Variants in PTPRD observed in about 807,000 individuals in gnomAD.
PTPRD encodes the protein receptor-type tyrosine-protein phosphatase delta.
Under a neutral mutation model 214.5 loss-of-function variants are expected in PTPRD, and 34 were observed. That is an observed-to-expected ratio of 0.16 (90% confidence interval 0.12 to 0.21). The LOEUF is 0.21. Ranked by LOEUF, PTPRD falls within the 10% of genes least tolerant of loss-of-function variation. PTPRD has a pLI of 1.00. For synonymous variants in PTPRD, 1,128 were observed against 845.7 expected, an observed-to-expected ratio of 1.33 and a Z score of -5.79; for missense variants, 2,545 against 2,398.7, an observed-to-expected ratio of 1.06 and a Z score of -1.27.
chr9:9,935,791 C>T (rs2089094088), intron 5 of PTPRD, among the ~76,000 whole-genome samples: 1 of 149,102 alleles, frequency 6.7e-6, no homozygotes, highest in Admixed American at 6.6e-5. Context: ...GCCAAAAGAA[C>T]AAAGCTGGAG....
chr9:9,606,274 G>C (rs2094148487), intron 7 of PTPRD, among the ~76,000 whole-genome samples: 1 of 151,986 alleles, frequency 6.6e-6, no homozygotes, highest in South Asian at 2.1e-4. Flanking sequence ...ACAGACCCTG[G>C]AGCTATTTCC....
At position 10,012,943 on chromosome 9, in the gene PTPRD, A is replaced by G. The variant is rs182027077; in HGVS notation, c.-472+20775T>C. Among the ~76,000 whole-genome samples the G allele has an allele frequency of 2.8e-3, 426 of 152,024 alleles. 2 individuals carry two copies. Among genetic ancestry groups the G allele is most frequent in the African/African-American group, 9.4e-3 (391 of 41,528 alleles). On this transcript the variant is annotated intron_variant, in intron 4 of 45. Transcript: ENST00000381196. ...TTATTACCTGGAAATGATCTTTGTAATTTTCAAGATCATGAATAGATAAAT... is the reference window on the plus strand; with the variant it reads ...TTATTACCTGGAAATGATCTTTGTAGTTTTCAAGATCATGAATAGATAAAT...
At chr9:9,398,230 T>G (rs1285459259) in intron 8 of PTPRD, among the ~76,000 whole-genome samples, 2 of 152,022 alleles carry the variant, frequency 1.3e-5, no homozygotes, top group African/African-American at 4.8e-5. Flanking sequence ...CAATAGAGGT[T>G]GTCTTGACAC....
chr9:9,917,248 A>G (rs1055306582), intron 5 of PTPRD, among the ~76,000 whole-genome samples: 2 of 149,884 alleles, frequency 1.3e-5, no homozygotes, highest in African/African-American at 4.9e-5. Context: ...AAAATCCACA[A>G]AACAAAAAGT....
intron 8 of PTPRD, among the ~76,000 whole-genome samples, chr9:9,565,206 C>T (rs1480024390): frequency 6.6e-6 from 1 of 151,428 alleles, no homozygotes; most frequent in Non-Finnish European, 1.5e-5. Flanking sequence ...ATTAATTTAC[C>T]TCACTTTTTG....
rs2098390660 is a variant in PTPRD at position 8,713,516 on chromosome 9, A to G, written c.64+20264T>C. 5 of 1,201,884 alleles carry G rather than the reference A, an allele frequency of 4.2e-6. No individual in the cohort carries two copies. In the South Asian group the frequency reaches 4.9e-5, roughly 12 times the overall value. 74.5% of individuals were successfully genotyped at this position (1,201,884 alleles called of 1,614,324 possible). A position where few individuals can be genotyped will look rare whatever the true frequency, so the allele number is the denominator to read the frequency against. ...ACTGTCTACTGTGGTCAGGTGTTTGAGAAGTCCCCGCTGCGGGTGAAGAAC... is the reference window on the plus strand; with the variant it reads ...ACTGTCTACTGTGGTCAGGTGTTTGGGAAGTCCCCGCTGCGGGTGAAGAAC... On this transcript the variant is annotated intron_variant, in intron 12 of 45. Coordinates refer to ENST00000381196, the MANE Select transcript of PTPRD (RefSeq NM_002839.4).
intron 11 of PTPRD, among the ~76,000 whole-genome samples, chr9:8,741,566 CTTTTTTTTTTTT>C (rs66547770): frequency 3.5e-4 from 25 of 70,642 alleles, no homozygotes; most frequent in Non-Finnish European, 5.5e-4. Flanking sequence ...TCAGGCATTT[CTTTTTTTTTTTT>C]TTTTTTTTTT....
intron 3 of PTPRD, among the ~76,000 whole-genome samples, chr9:10,038,927 C>T (rs1255605639): frequency 1.3e-5 from 2 of 152,030 alleles, no homozygotes; most frequent in African/African-American, 4.8e-5. Context: ...GCCTCTAACG[C>T]TGACGATAAA....
At chr9:9,934,860 T>G (rs1345295767) in intron 5 of PTPRD, among the ~76,000 whole-genome samples, 2 of 151,948 alleles carry the variant, frequency 1.3e-5, no homozygotes, top group African/African-American at 4.8e-5. Flanking sequence ...CAGCAGCACA[T>G]CAAAAAGCTT....
At chr9:9,942,230 C>T (rs2091644836) in intron 4 of PTPRD, among the ~76,000 whole-genome samples, 2 of 152,102 alleles carry the variant, frequency 1.3e-5, no homozygotes, top group Admixed American at 1.3e-4. Flanking sequence ...TTCTTATTCT[C>T]CACCTCCTTT....
intron 5 of PTPRD, among the ~76,000 whole-genome samples, chr9:9,836,297 C>G (rs938499258): frequency 1.3e-5 from 2 of 152,138 alleles, no homozygotes; most frequent in African/African-American, 4.8e-5. Context: ...ATGGAGGAAA[C>G]TTTTAATATC....
At chr9:8,969,876 T>C (rs951808325) in intron 11 of PTPRD, among the ~76,000 whole-genome samples, 3 of 152,028 alleles carry the variant, frequency 2.0e-5, no homozygotes, top group South Asian at 2.1e-4. Context: ...AGGAGATAGA[T>C]ATCCAACTAC....
chr9:9,724,496 G>A (rs1184674346), intron 7 of PTPRD, among the ~76,000 whole-genome samples: 2 of 152,020 alleles, frequency 1.3e-5, no homozygotes, highest in Non-Finnish European at 2.9e-5. Context: ...AGTAAGGCTT[G>A]GATAGCCTTA....
At chr9:10,375,491 T>C (rs2097710919) in intron 2 of PTPRD, among the ~76,000 whole-genome samples, 1 of 152,030 alleles carries the variant, frequency 6.6e-6, no homozygotes, top group Admixed American at 6.6e-5. Context: ...ATATCTGAAA[T>C]GTATTTTTAA....
chr9:9,474,074 A>G (rs937432507), intron 8 of PTPRD, among the ~76,000 whole-genome samples: 1 of 151,998 alleles, frequency 6.6e-6, no homozygotes, highest in Admixed American at 6.6e-5. Context: ...ATTTACTTCT[A>G]GTGGTTTTAT....
chr9:9,341,907 C>G (rs1031760087), intron 9 of PTPRD, among the ~76,000 whole-genome samples: 21 of 152,226 alleles, frequency 1.4e-4, no homozygotes, highest in Middle Eastern at 6.8e-3. Flanking sequence ...CTCCTGGGTT[C>G]AAGTGATTCT....
intron 39 of PTPRD, among the ~76,000 whole-genome samples, chr9:8,368,776 C>T (rs1272869858): frequency 1.3e-5 from 2 of 151,612 alleles, no homozygotes; most frequent in African/African-American, 4.8e-5. Context: ...ACTGAAGACC[C>T]AGCCTCCTGT....
At position 10,170,143 on chromosome 9, in the gene PTPRD, C is replaced by T. The variant is rs182248920; in HGVS notation, c.-544-136353G>A. On this transcript the variant is annotated intron_variant, in intron 3 of 45. Transcript: ENST00000381196. The stretch of plus-strand genomic sequence containing the variant: ...ATCAAATATGCCAATGCATTTATCA[C>T]ATGCAGGCAGCACTGGACAAAACTT... 9.1e-4 allele frequency among the ~76,000 whole-genome samples: 138 copies of T among 152,260 alleles called. 1 individual carries two copies. Among genetic ancestry groups the T allele is most frequent in the African/African-American group, 2.9e-3 (121 of 41,558 alleles).
At chr9:9,391,125 A>G (rs2065697703) in intron 9 of PTPRD, among the ~76,000 whole-genome samples, 1 of 151,032 alleles carries the variant, frequency 6.6e-6, no homozygotes, top group African/African-American at 2.4e-5. Context: ...AAAATATGAA[A>G]TGAATGGAGG....
Sources: gnomAD v4.1 joint callset for allele counts (sites outside exome capture counted in the v4.1 genomes callset) on GRCh38, gnomAD v4.1.1 for gene constraint, MANE v1.5 for transcripts, NCBI Gene and HGNC (gene_info 2026-07-23, HGNC 2026-07-21) for gene names.